The following SVOPL variants were observed in gnomAD, a reference collection of about 807,000 sequenced individuals.
SVOPL encodes putative transporter SVOPL.
Under a neutral mutation model 61.0 loss-of-function variants are expected in SVOPL, and 60 were observed. The ratio of observed to expected loss-of-function variants is 0.98; its 90% CI spans 0.80 to 1.22. The LOEUF is 1.22. Among genes scored for constraint, SVOPL ranks in the 50% most tolerant of loss-of-function variants. The probability of loss-of-function intolerance (pLI) is 0.00; values close to 1 mark genes in which losing one functional copy is unlikely to be tolerated. For synonymous variants in SVOPL, 279 were observed against 250.0 expected, an observed-to-expected ratio of 1.12 and a Z score of -1.09; for missense variants, 662 against 643.9, an observed-to-expected ratio of 1.03 and a Z score of -0.30.
intron 9 of SVOPL, among the ~76,000 whole-genome samples, chr7:138,638,344 T>C (rs1800606789): frequency 6.8e-6 from 1 of 147,144 alleles, no homozygotes; most frequent in Non-Finnish European, 1.5e-5. Context: ...AACTCATTAG[T>C]AATAAAAACT....
chr7:138,631,178 G>A lies in SVOPL; in HGVS notation c.790-1056C>T, dbSNP rs1036418780. Reference sequence around the variant, plus strand: ...GCTAGAGTTTGAAGGGAACTTAGAGGTCTTTTGCTCCAATGGTTAATTTTT... The same window carrying A: ...GCTAGAGTTTGAAGGGAACTTAGAGATCTTTTGCTCCAATGGTTAATTTTT... On this transcript the variant is annotated intron_variant, in intron 9 of 15. Transcript: ENST00000674285. Among the ~76,000 whole-genome samples the A allele has an allele frequency of 2.6e-5, 4 of 152,064 alleles. No homozygotes were observed. The East Asian group carries it at 5.8e-4, about 22-fold the overall frequency.
chr7:138,621,742 C>T (rs1226198513), intron 13 of SVOPL, among the ~76,000 whole-genome samples: 2 of 152,174 alleles, frequency 1.3e-5, no homozygotes, highest in Non-Finnish European at 2.9e-5. Flanking sequence ...TTGTTAAATT[C>T]CCTAGCCTCT....
chr7:138,699,083 C>T (rs960229510), intron 1 of SVOPL, among the ~76,000 whole-genome samples: 13 of 152,100 alleles, frequency 8.5e-5, no homozygotes, highest in African/African-American at 2.7e-4. Context: ...ACCCAGGAGG[C>T]GGAGGTTGCA....
At chr7:138,673,079 G>A in intron 3 of SVOPL, among the ~76,000 whole-genome samples, 1 of 151,976 alleles carries the variant, frequency 6.6e-6, no homozygotes, top group East Asian at 1.9e-4. Flanking sequence ...GTTATCAGGA[G>A]GAAAAAAAGG....
intron 7 of SVOPL, among the ~76,000 whole-genome samples, chr7:138,652,083 G>A (rs1412382784): frequency 6.7e-6 from 1 of 149,312 alleles, no homozygotes; most frequent in Non-Finnish European, 1.5e-5. Context: ...TTTCCCCCTC[G>A]CTCTGTCACC....
intron 12 of SVOPL, 47 bp downstream of exon 12, chr7:138,627,303 A>G (rs367895753): frequency 1.5e-4 from 224 of 1,460,180 alleles, no homozygotes; most frequent in Non-Finnish European, 2.1e-4. Flanking sequence ...AGGAGACTCC[A>G]TTTAGAAACC....
intron 3 of SVOPL, among the ~76,000 whole-genome samples, chr7:138,674,725 A>G (rs552764359): frequency 0.011 from 1,723 of 152,108 alleles, 12 homozygotes; most frequent in Non-Finnish European, 0.019. Flanking sequence ...GCGTGGTGGC[A>G]GGCGCCTGTA....
intron 9 of SVOPL, among the ~76,000 whole-genome samples, chr7:138,641,127 A>G (rs572759773): frequency 6.6e-6 from 1 of 152,068 alleles, no homozygotes; most frequent in South Asian, 2.1e-4. Flanking sequence ...CGAGCCTGGA[A>G]GGTCAAGGCT....
intron 9 of SVOPL, among the ~76,000 whole-genome samples, chr7:138,630,951 G>GAAAAAAAAAAAAAAAAAAAAA (rs57139655): frequency 1.3e-5 from 1 of 76,340 alleles, no homozygotes. Context: ...CTCAAAAAAA[G>GAAAAAAAAAAAAAAAAAAAAA]AAAAAAAAAA....
At chr7:138,664,704 C>T (rs1802177795) in intron 4 of SVOPL, among the ~76,000 whole-genome samples, 1 of 151,464 alleles carries the variant, frequency 6.6e-6, no homozygotes, top group Non-Finnish European at 1.5e-5. Flanking sequence ...CGGGCGCACC[C>T]CTGATCCTCC....
chr7:138,680,571 T>TTG (rs60027714), intron 1 of SVOPL, among the ~76,000 whole-genome samples: 19,840 of 147,996 alleles, frequency 0.13, 1,330 homozygotes, highest in Middle Eastern at 0.16. Context: ...ACACAGACTT[T>TTG]TGTGTGTGTG....
intron 7 of SVOPL, among the ~76,000 whole-genome samples, chr7:138,656,155 C>T (rs574830241): frequency 6.6e-6 from 1 of 152,272 alleles, no homozygotes; most frequent in East Asian, 1.9e-4. Flanking sequence ...TTATGACTCT[C>T]TAAAGGCTCA....
At chr7:138,674,340 C>A (rs1802503251) in intron 3 of SVOPL, among the ~76,000 whole-genome samples, 2 of 151,924 alleles carry the variant, frequency 1.3e-5, no homozygotes, top group Non-Finnish European at 2.9e-5. Flanking sequence ...TCTATGGCCT[C>A]TGAATAAGGG....
chr7:138,631,989 C>T (rs1031596356), intron 9 of SVOPL, among the ~76,000 whole-genome samples: 1 of 152,026 alleles, frequency 6.6e-6, no homozygotes, highest in Non-Finnish European at 1.5e-5. Context: ...CACACATACA[C>T]ACACCCCTAC....
rs568132299 is a variant in SVOPL, at chr7:138,619,244, AAAAT to A, written c.1353+1798_1353+1801del. On this transcript the variant is annotated intron_variant, in intron 14 of 15. Coordinates refer to ENST00000674285, the MANE Select transcript of SVOPL (RefSeq NM_001139456.2). ...GCAACATAGTGAGACTCCATCTCTA[AAAAT>A]AAATAAATAAATAGTCAGGCATGGT... is the stretch of plus-strand genomic sequence containing the variant. Among the ~76,000 whole-genome samples the A allele has an allele frequency of 2.2e-3, 334 of 152,114 alleles. 1 individual carries two copies. Among genetic ancestry groups the A allele is most frequent in the African/African-American group, 7.7e-3 (320 of 41,478 alleles).
chr7:138,674,048 C>T (rs747543616), intron 3 of SVOPL, among the ~76,000 whole-genome samples: 4 of 151,840 alleles, frequency 2.6e-5, no homozygotes, highest in Non-Finnish European at 5.9e-5. Flanking sequence ...ATTAGCTGGG[C>T]GTGGTGGCAT....
At chr7:138,680,239 G>A (rs1229806172) in intron 1 of SVOPL, among the ~76,000 whole-genome samples, 2 of 147,812 alleles carry the variant, frequency 1.4e-5, no homozygotes, top group East Asian at 2.0e-4. Flanking sequence ...GCACGATCTC[G>A]GCTCACTGCA....
chr7:138,650,899 G>A (rs1219310697), intron 7 of SVOPL, among the ~76,000 whole-genome samples: 1 of 148,306 alleles, frequency 6.7e-6, no homozygotes, highest in African/African-American at 2.5e-5. Flanking sequence ...ATTGCCAAGT[G>A]TATAAGGCTT....
Position 138,678,460 on chromosome 7 carries a change from G to T in SVOPL, c.148C>A (p.Leu50Ile), listed in dbSNP as rs371850845. 5.0e-5 allele frequency: 77 copies of T among 1,551,872 alleles called. No homozygotes were observed. The highest frequency in any genetic ancestry group is 2.0e-5 in the Admixed American group (1 of 50,972). ...TIGFGRFHIA[L>I]FLIMGSTGVV... ...CCAGTACTGCCCATGATCAGAAAGA[G>T]GGCAATGTGGAAACGCCCGAAGCCG... is the stretch of plus-strand genomic sequence containing the variant. Residue 50 changes from leucine (L) to isoleucine (I), a missense_variant, in exon 3 of 16, where the codon CTC (leucine) becomes ATC (isoleucine). Coordinates refer to ENST00000674285, the MANE Select transcript of SVOPL (RefSeq NM_001139456.2).
Sources: gnomAD v4.1 joint callset for allele counts (sites outside exome capture counted in the v4.1 genomes callset) on GRCh38, gnomAD v4.1.1 for gene constraint, MANE v1.5 for transcripts, NCBI Gene and HGNC (gene_info 2026-07-23, HGNC 2026-07-21) for gene names.